FAM167A: variants seen among roughly 807,000 people sequenced by gnomAD.
FAM167A encodes protein FAM167A.
In FAM167A, 23 loss-of-function variants were observed where a neutral mutation model predicts 14.9. That is an observed-to-expected ratio of 1.55 (90% CI 1.11 to 2.19). The LOEUF (loss-of-function observed/expected upper bound fraction) is 2.19. Among genes scored for constraint, FAM167A ranks in the 30% most tolerant of loss-of-function variants. The probability of loss-of-function intolerance (pLI) is 0.00; values close to 1 mark genes in which losing one functional copy is unlikely to be tolerated. For missense variants in FAM167A, 401 were observed against 281.5 expected, an observed-to-expected ratio of 1.42 and a Z score of -3.04; for synonymous variants, 174 against 117.7, an observed-to-expected ratio of 1.48 and a Z score of -3.10.
chr8:11,448,193 TAAAAAAA>T (rs34728701), intron 1 of FAM167A, among the ~76,000 whole-genome samples: 1 of 135,562 alleles, frequency 7.4e-6, no homozygotes, highest in Non-Finnish European at 1.6e-5. Flanking sequence ...GACTCTGTCT[TAAAAAAA>T]AAAAAAAAAA....
chr8:11,438,690 C>T, intron 2 of FAM167A: 1 of 374,098 alleles, frequency 2.7e-6, no homozygotes. Context: ...TTTATACATT[C>T]TTTGGTAACC....
At chr8:11,425,640 G>C (rs930809839) in intron 2 of FAM167A, among the ~76,000 whole-genome samples, 2 of 151,344 alleles carry the variant, frequency 1.3e-5, no homozygotes, top group African/African-American at 4.9e-5. Context: ...AGCCGTGATG[G>C]GAATGGAGTT....
chr8:11,434,512 A>G (rs1272585408), intron 2 of FAM167A, among the ~76,000 whole-genome samples: 1 of 152,154 alleles, frequency 6.6e-6, no homozygotes, highest in African/African-American at 2.4e-5. Flanking sequence ...GGGAGAGACG[A>G]CAGCCCCAGA....
intron 1 of FAM167A, among the ~76,000 whole-genome samples, chr8:11,460,409 C>T (rs1016299476): frequency 5.3e-5 from 8 of 152,206 alleles, no homozygotes; most frequent in African/African-American, 1.9e-4. Context: ...TCCACCCTGA[C>T]ACATGCAGAG....
At chr8:11,425,341 C>T (rs748582064) in intron 2 of FAM167A, among the ~76,000 whole-genome samples, 31 of 152,112 alleles carry the variant, frequency 2.0e-4, no homozygotes, top group African/African-American at 7.5e-4. Flanking sequence ...TTAGCTGTGT[C>T]GGCTCACAAA....
intron 1 of FAM167A, among the ~76,000 whole-genome samples, chr8:11,460,958 G>A (rs1287171450): frequency 6.6e-6 from 1 of 152,258 alleles, no homozygotes. Context: ...GGCTCAGGCT[G>A]CTTCAAGCTG....
intron 1 of FAM167A, among the ~76,000 whole-genome samples, chr8:11,475,156 T>G (rs932698751): frequency 2.0e-5 from 3 of 152,156 alleles, no homozygotes; most frequent in Admixed American, 6.5e-5. Context: ...CTAACAGTTC[T>G]GCAGCCAAGG....
chr8:11,425,194 G>C (rs1805053021), intron 2 of FAM167A, among the ~76,000 whole-genome samples: 1 of 152,180 alleles, frequency 6.6e-6, no homozygotes, highest in Non-Finnish European at 1.5e-5. Flanking sequence ...TAGGTACTGG[G>C]TGTTTTATTA....
At chr8:11,429,986 C>A (rs1194920291) in intron 2 of FAM167A, among the ~76,000 whole-genome samples, 1 of 152,180 alleles carries the variant, frequency 6.6e-6, no homozygotes, top group Non-Finnish European at 1.5e-5. Context: ...CTCTCCAGGC[C>A]AAGGCACAGA....
Position 11,424,285 on chromosome 8 carries a change from C to A in FAM167A, c.*88G>T. 3 of 1,560,678 alleles carry A rather than the reference C, an allele frequency of 1.9e-6. No individual in the cohort carries two copies. Among genetic ancestry groups the A allele is most frequent in the South Asian group, 1.2e-5 (1 of 84,276 alleles). On this transcript the variant is annotated 3_prime_UTR_variant, in exon 3 of 3. Coordinates refer to ENST00000284486, the MANE Select transcript of FAM167A (RefSeq NM_053279.3). Reference sequence around the variant, plus strand: ...CCAGGGACCCCTGCCTCCGGGAGACCCACTGGAGTAACTTGGCCTCAGCTT... The same window carrying A: ...CCAGGGACCCCTGCCTCCGGGAGACACACTGGAGTAACTTGGCCTCAGCTT...
chr8:11,421,642 C>T lies in FAM167A; in HGVS notation c.*2731G>A, dbSNP rs777101672. On this transcript the variant is annotated 3_prime_UTR_variant, in exon 3 of 3. Coordinates refer to ENST00000284486, the MANE Select transcript of FAM167A (RefSeq NM_053279.3). ...GTGGGTCTTGAACTCGGTCAGGCAT[C>T]GTCAAGCCTGCCCAGGCCCTCCAGG... 2.8e-5 allele frequency: 11 copies of T among 398,762 alleles called. No homozygotes were observed. The highest frequency in any genetic ancestry group is 1.3e-3 in the Middle Eastern group (2 of 1,588). The allele number at this position is 398,762 out of a possible 1,614,324, so 24.7% of individuals were successfully genotyped here. A position where few individuals can be genotyped will look rare whatever the true frequency, so the allele number is the denominator to read the frequency against.
At chr8:11,433,892 T>C (rs1805797097) in intron 2 of FAM167A, 1 of 152,226 alleles carries the variant, frequency 6.6e-6, no homozygotes, top group Admixed American at 6.5e-5. Flanking sequence ...GTAATCTCTT[T>C]CCTTATCTTA....
intron 1 of FAM167A, among the ~76,000 whole-genome samples, chr8:11,454,170 G>A (rs1224549768): frequency 5.9e-5 from 9 of 152,212 alleles, no homozygotes; most frequent in Non-Finnish European, 7.3e-5. Flanking sequence ...TCTTGACCCC[G>A]ACACCGTCTG....
At chr8:11,468,393 A>C (rs1376031204), upstream of FAM167A, among the ~76,000 whole-genome samples, 1 of 152,218 alleles carries the variant, frequency 6.6e-6, no homozygotes, top group African/African-American at 2.4e-5. Flanking sequence ...CTCCTAAGGG[A>C]ACCCCAGGTT....
chr8:11,465,357 T>TCACCAGGTGTGGGAGCCA (rs1488928893), intron 1 of FAM167A, among the ~76,000 whole-genome samples: 4 of 152,170 alleles, frequency 2.6e-5, no homozygotes, highest in African/African-American at 9.7e-5. Context: ...CTCTGCTCTC[T>TCACCAGGTGTGGGAGCCA]CACCAGGTGT....
intron 1 of FAM167A, among the ~76,000 whole-genome samples, chr8:11,465,331 G>T (rs1807718180): frequency 6.6e-6 from 1 of 152,120 alleles, no homozygotes; most frequent in Non-Finnish European, 1.5e-5. Context: ...CGGGAGTCAG[G>T]CACGTGAGGC....
chr8:11,425,826 A>T (rs1441051057), intron 2 of FAM167A, among the ~76,000 whole-genome samples: 1 of 152,178 alleles, frequency 6.6e-6, no homozygotes, highest in Non-Finnish European at 1.5e-5. Context: ...AAGAAAATAA[A>T]AATATTTTAC....
chr8:11,425,776 T>C (rs114122184), intron 2 of FAM167A, among the ~76,000 whole-genome samples: 1 of 151,334 alleles, frequency 6.6e-6, no homozygotes, highest in African/African-American at 2.4e-5. Context: ...AGCAAATTCC[T>C]GCCTCTGGTA....
chr8:11,448,450 C>T (rs959959898), intron 1 of FAM167A, among the ~76,000 whole-genome samples: 5 of 152,214 alleles, frequency 3.3e-5, no homozygotes, highest in African/African-American at 1.2e-4. Flanking sequence ...ATTAAGATGA[C>T]ATAACCTATC....
Sources: allele counts gnomAD v4.1 joint callset (sites outside exome capture counted in the v4.1 genomes callset), GRCh38; gene constraint gnomAD v4.1.1; transcripts MANE v1.5; gene names NCBI Gene and HGNC (gene_info 2026-07-23, HGNC 2026-07-21).